ST7: variants seen among roughly 807,000 people sequenced by gnomAD.
ST7 encodes suppression of tumorigenicity 7.
A neutral mutation model predicts 78.7 loss-of-function variants in ST7; 28 were observed. That is an observed-to-expected ratio of 0.36 (90% confidence interval 0.26 to 0.49). ST7 has a LOEUF of 0.49. Among genes scored for constraint, ST7 ranks in the 20% least tolerant of loss-of-function variants. ST7 has a pLI of 0.99. For synonymous variants in ST7, 247 were observed against 249.6 expected, an observed-to-expected ratio of 0.99 and a Z score of 0.10; for missense variants, 418 against 696.0, an observed-to-expected ratio of 0.60 and a Z score of 4.49.
rs577482815 is a variant in ST7 at position 117,110,844 on chromosome 7, G to C, written c.235-8717G>C. Among the ~76,000 whole-genome samples the C allele has an allele frequency of 7.2e-5, 11 of 152,340 alleles. No individual in the cohort carries two copies. The East Asian group carries it at 2.1e-3, about 29-fold the overall frequency. On this transcript the variant is annotated intron_variant, in intron 2 of 15. Coordinates refer to ENST00000323984, the MANE Select transcript of ST7 (RefSeq NM_001369598.1). Reference sequence around the variant, plus strand: ...TGGCTGCCTTTGCAGATCTGGGCTGGTGAGGTTTTCTGTGCCCCTGCTGAA... The same window carrying C: ...TGGCTGCCTTTGCAGATCTGGGCTGCTGAGGTTTTCTGTGCCCCTGCTGAA...
Position 117,190,412 on chromosome 7 carries a change from C to T in ST7, c.1152-422C>T, listed in dbSNP as rs181560979. 6.9e-4 allele frequency: 117 copies of T among 169,490 alleles called. No homozygotes were observed. The highest frequency in any genetic ancestry group is 8.1e-4 in the Non-Finnish European group (60 of 73,762). 10.5% of individuals were successfully genotyped at this position (169,490 alleles called of 1,614,324 possible). ...GAAGCTGCAACGATTTAACCTCCATCGCAGCACTGACATTGGGTGGGAGGC... is the reference window on the plus strand; with the variant it reads ...GAAGCTGCAACGATTTAACCTCCATTGCAGCACTGACATTGGGTGGGAGGC... On this transcript the variant is annotated intron_variant, in intron 11 of 15. Coordinates refer to ENST00000323984, the MANE Select transcript of ST7 (RefSeq NM_001369598.1). This position sits in a 1 kb window ranked among gnomAD's most constrained non-coding sequence, Gnocchi z 5.2.
intron 9 of ST7, among the ~76,000 whole-genome samples, chr7:117,152,943 A>AT (rs1806407259): frequency 6.6e-6 from 1 of 151,964 alleles, no homozygotes; most frequent in Non-Finnish European, 1.5e-5. Flanking sequence ...CTTGCCTTCT[A>AT]TTTTTCGGTA....
At chr7:117,151,546 TTTTTTCTTATCTA>T (rs1806247245) in intron 9 of ST7, among the ~76,000 whole-genome samples, 2 of 152,056 alleles carry the variant, frequency 1.3e-5, no homozygotes, top group African/African-American at 4.8e-5. Context: ...CACACACTAT[TTTTTTCTTATCTA>T]TTTTTCTTAT....
intron 1 of ST7, among the ~76,000 whole-genome samples, chr7:117,012,463 C>G: frequency 6.6e-6 from 1 of 151,928 alleles, no homozygotes; most frequent in East Asian, 1.9e-4. Context: ...GATAATACCT[C>G]CTAGGGTCGT....
intron 1 of ST7, among the ~76,000 whole-genome samples, chr7:116,956,065 G>C (rs975167116): frequency 2.6e-5 from 4 of 152,078 alleles, no homozygotes; most frequent in African/African-American, 9.7e-5. Flanking sequence ...GGAGGACTTT[G>C]GCATTAATTT....
chr7:117,022,739 C>G (rs935429885), intron 1 of ST7, among the ~76,000 whole-genome samples: 2 of 151,990 alleles, frequency 1.3e-5, no homozygotes, highest in Non-Finnish European at 2.9e-5. Context: ...TAATTTTTTT[C>G]TAACTTATTC....
chr7:117,164,770 G>A (rs891313452), intron 9 of ST7, among the ~76,000 whole-genome samples: 5 of 149,980 alleles, frequency 3.3e-5, no homozygotes, highest in African/African-American at 1.2e-4. Flanking sequence ...TTTGGACTCA[G>A]TGCTGATGAC....
chr7:117,182,903 A>G (rs1420118103), intron 10 of ST7, among the ~76,000 whole-genome samples: 4 of 152,242 alleles, frequency 2.6e-5, no homozygotes, highest in Non-Finnish European at 5.9e-5. Flanking sequence ...TAGAAGAGAT[A>G]TGTTAACCAT....
At chr7:117,023,806 G>A (rs955408756) in intron 1 of ST7, among the ~76,000 whole-genome samples, 6 of 147,602 alleles carry the variant, frequency 4.1e-5, no homozygotes, top group Admixed American at 2.0e-4. Context: ...GTGTGTGTGC[G>A]TGTGTGTGTG....
intron 1 of ST7, among the ~76,000 whole-genome samples, chr7:117,013,626 G>A (rs534269932): frequency 1.3e-5 from 2 of 152,306 alleles, no homozygotes; most frequent in African/African-American, 2.4e-5. Context: ...TTAGGAGTTC[G>A]AGATCAGCCT....
chr7:117,223,109 A>G (rs1793216804), intron 15 of ST7: 1 of 671,812 alleles, frequency 1.5e-6, no homozygotes. Flanking sequence ...CTCACTCCCC[A>G]CATCCCATCG....
At chr7:117,189,036 G>A (rs1033628686) in intron 10 of ST7, among the ~76,000 whole-genome samples, 20 of 152,042 alleles carry the variant, frequency 1.3e-4, no homozygotes, top group Non-Finnish European at 2.8e-4. Context: ...GCTATACTCT[G>A]CTTAAACTCA....
intron 13 of ST7, among the ~76,000 whole-genome samples, chr7:117,214,700 C>T (rs777533441): frequency 6.6e-6 from 1 of 152,052 alleles, no homozygotes; most frequent in Non-Finnish European, 1.5e-5. Context: ...GTAGAACCAA[C>T]TTGCTCCTTT....
chr7:117,061,289 G>A (rs542247205), intron 1 of ST7, among the ~76,000 whole-genome samples: 1 of 152,206 alleles, frequency 6.6e-6, no homozygotes, highest in African/African-American at 2.4e-5. Flanking sequence ...ACAAAATTGA[G>A]CTCTAAGGAT....
intron 3 of ST7, among the ~76,000 whole-genome samples, chr7:117,125,932 C>A (rs1385196200): frequency 6.6e-6 from 1 of 151,930 alleles, no homozygotes; most frequent in Non-Finnish European, 1.5e-5. Flanking sequence ...GGACACCAGG[C>A]CTTAATCTCA....
intron 10 of ST7, among the ~76,000 whole-genome samples, chr7:117,172,116 A>G (rs951664342): frequency 6.6e-6 from 1 of 151,936 alleles, no homozygotes; most frequent in Non-Finnish European, 1.5e-5. Flanking sequence ...ATGCTTGGCT[A>G]ATTTTTAAAT....
intron 9 of ST7, among the ~76,000 whole-genome samples, chr7:117,169,984 C>G (rs1475131492): frequency 6.6e-6 from 1 of 152,056 alleles, no homozygotes; most frequent in African/African-American, 2.4e-5. Flanking sequence ...TACTACCACC[C>G]CCATCACTAC....
intron 15 of ST7, among the ~76,000 whole-genome samples, chr7:117,224,544 GTTTTCTGT>G (rs1793319570): frequency 6.6e-6 from 1 of 152,028 alleles, no homozygotes; most frequent in Non-Finnish European, 1.5e-5. Flanking sequence ...GCTCTTTTAT[GTTTTCTGT>G]TTTTCTGTTA....
chr7:117,209,153 G>A (rs1792069886), intron 12 of ST7, among the ~76,000 whole-genome samples: 1 of 152,072 alleles, frequency 6.6e-6, no homozygotes. Flanking sequence ...GCAATGAAGA[G>A]GTGTACGCTG....
Sources: gnomAD v4.1 joint callset for allele counts (sites outside exome capture counted in the v4.1 genomes callset) on GRCh38, gnomAD v4.1.1 for gene constraint, Gnocchi (gnomAD v3.1) non-coding constraint, MANE v1.5 for transcripts, NCBI Gene and HGNC (gene_info 2026-07-23, HGNC 2026-07-21) for gene names.